The following GRAMD1B variants were observed in gnomAD, a reference collection of about 807,000 sequenced individuals.
GRAMD1B encodes the protein GRAM domain containing 1B.
GRAMD1B carries 37 observed loss-of-function variants against 99.7 expected under a neutral mutation model. The ratio of observed to expected loss-of-function variants is 0.37; its 90% CI spans 0.29 to 0.49. The LOEUF (loss-of-function observed/expected upper bound fraction) is 0.49. Ranked by LOEUF, GRAMD1B falls within the 20% of genes least tolerant of loss-of-function variation. GRAMD1B has a pLI of 0.98. For synonymous variants in GRAMD1B, 427 were observed against 387.6 expected (o/e 1.10, Z -1.19); for missense variants, 888 against 1,009.2 (o/e 0.88, Z 1.63).
intron 17 of GRAMD1B, chr11:123,618,310 G>A: frequency 6.2e-7 from 1 of 1,604,710 alleles, no homozygotes; most frequent in Non-Finnish European, 8.5e-7. Context: ...TCTAACCTCT[G>A]CCTCCTCCCC....
At chr11:123,428,564 G>A (rs1177923586), upstream of GRAMD1B, among the ~76,000 whole-genome samples, 3 of 152,192 alleles carry the variant, frequency 2.0e-5, no homozygotes, top group Non-Finnish European at 4.4e-5. Flanking sequence ...TGGTTTCCCA[G>A]CCTCTCAAAA....
chr11:123,518,871 GC>G (rs1362155166), intron 2 of GRAMD1B, among the ~76,000 whole-genome samples: 13 of 152,210 alleles, frequency 8.5e-5, no homozygotes, highest in Non-Finnish European at 1.9e-4. Context: ...CCTGTTTATT[GC>G]CTGAAGGAAT....
chr11:123,488,055 A>G (rs776792935), intron 2 of GRAMD1B, among the ~76,000 whole-genome samples: 4 of 152,196 alleles, frequency 2.6e-5, no homozygotes, highest in Non-Finnish European at 5.9e-5. Context: ...AGATTTGGGC[A>G]TTCAGGTGAG....
At chr11:123,461,731 A>C (rs1389560099) in intron 1 of GRAMD1B, among the ~76,000 whole-genome samples, 2 of 151,954 alleles carry the variant, frequency 1.3e-5, no homozygotes, top group Non-Finnish European at 1.5e-5. Flanking sequence ...TAGCCTCCCG[A>C]GTAGCTGGGA....
chr11:123,399,741 C>T (rs1947593649), intron 1 of GRAMD1B, among the ~76,000 whole-genome samples: 1 of 152,134 alleles, frequency 6.6e-6, no homozygotes, highest in Non-Finnish European at 1.5e-5. Context: ...TCTTGAGTAG[C>T]TGGAATTAAA....
chr11:123,607,079 C>T (rs1022963540), intron 11 of GRAMD1B, among the ~76,000 whole-genome samples: 10 of 152,256 alleles, frequency 6.6e-5, no homozygotes, highest in Non-Finnish European at 1.2e-4. Context: ...CTCACAGACA[C>T]GCAAGTCTAG....
At chr11:123,449,923 A>G (rs910130949) in intron 1 of GRAMD1B, among the ~76,000 whole-genome samples, 1 of 151,784 alleles carries the variant, frequency 6.6e-6, no homozygotes, top group African/African-American at 2.4e-5. Context: ...GGATCCTGCT[A>G]TGTTGCCCAG....
intron 2 of GRAMD1B, among the ~76,000 whole-genome samples, chr11:123,517,748 T>C (rs1027362305): frequency 6.6e-6 from 1 of 152,230 alleles, no homozygotes; most frequent in Non-Finnish European, 1.5e-5. Flanking sequence ...TCTTATTGTG[T>C]CCTTGGGCAG....
chr11:123,415,969 T>A (rs1948220353), intron 1 of GRAMD1B, among the ~76,000 whole-genome samples: 1 of 152,232 alleles, frequency 6.6e-6, no homozygotes, highest in African/African-American at 2.4e-5. Flanking sequence ...TACTGAGGTT[T>A]CTTTAGTTTT....
intron 1 of GRAMD1B, among the ~76,000 whole-genome samples, chr11:123,406,412 C>A (rs932107956): frequency 1.3e-5 from 2 of 152,074 alleles, no homozygotes; most frequent in Non-Finnish European, 2.9e-5. Flanking sequence ...TGCCACCACA[C>A]CCAGCTAATG....
chr11:123,611,187 C>T (rs74681328), intron 14 of GRAMD1B, among the ~76,000 whole-genome samples: 10,351 of 145,444 alleles, frequency 0.071, 490 homozygotes, highest in Non-Finnish European at 0.11. Context: ...TATATTCACA[C>T]ATTTTGGGAG....
chr11:123,533,926 G>A (rs750377688), intron 2 of GRAMD1B, among the ~76,000 whole-genome samples: 8 of 152,200 alleles, frequency 5.3e-5, no homozygotes, highest in Non-Finnish European at 1.0e-4. Context: ...AAAGCAACTG[G>A]AAGACAGGTC....
intron 1 of GRAMD1B, among the ~76,000 whole-genome samples, chr11:123,386,438 T>G (rs1029586847): frequency 2.8e-5 from 2 of 72,390 alleles, no homozygotes; most frequent in African/African-American, 2.1e-4. Flanking sequence ...CAATATACTT[T>G]TTTTTTTTTT....
At chr11:123,378,545 G>A (rs1946766523) in intron 1 of GRAMD1B, among the ~76,000 whole-genome samples, 1 of 152,150 alleles carries the variant, frequency 6.6e-6, no homozygotes, top group African/African-American at 2.4e-5. Flanking sequence ...CAAGCAGTCT[G>A]GAATGTATGG....
intron 1 of GRAMD1B, among the ~76,000 whole-genome samples, chr11:123,369,529 T>A (rs1177327431): frequency 6.6e-6 from 1 of 152,064 alleles, no homozygotes; most frequent in African/African-American, 2.4e-5. Flanking sequence ...CGCCAAGCAC[T>A]GGGGCTAGGT....
intron 1 of GRAMD1B, among the ~76,000 whole-genome samples, chr11:123,479,184 A>G (rs1951455109): frequency 1.3e-5 from 2 of 152,214 alleles, no homozygotes; most frequent in Admixed American, 6.5e-5. Context: ...GGCTTTGTGT[A>G]TGGCGCTGTT....
At chr11:123,503,231 T>C (rs1236879374) in intron 2 of GRAMD1B, among the ~76,000 whole-genome samples, 1 of 152,180 alleles carries the variant, frequency 6.6e-6, no homozygotes, top group Non-Finnish European at 1.5e-5. Flanking sequence ...GCAGTCATGA[T>C]CTTTTCCATT....
chr11:123,606,839 T>G (rs1260791921), intron 11 of GRAMD1B, 41 bp downstream of exon 11: 2 of 1,508,882 alleles, frequency 1.3e-6, no homozygotes, highest in Admixed American at 1.7e-5. Flanking sequence ...CCTTGCTCTG[T>G]TTTGAAGGCT....
At chr11:123,414,670 A>T (rs1399782150) in intron 1 of GRAMD1B, among the ~76,000 whole-genome samples, 1 of 152,034 alleles carries the variant, frequency 6.6e-6, no homozygotes, top group African/African-American at 2.4e-5. Flanking sequence ...TCCATTGCTT[A>T]GCTCCCACCC....
Sources: allele counts gnomAD v4.1 joint callset (sites outside exome capture counted in the v4.1 genomes callset), GRCh38; gene constraint gnomAD v4.1.1; transcripts MANE v1.5; gene names NCBI Gene and HGNC (gene_info 2026-07-23, HGNC 2026-07-21).